The following SLC36A1 variants were observed in gnomAD, a reference collection of about 807,000 sequenced individuals.
The protein encoded by SLC36A1 is proton-coupled amino acid transporter 1.
SLC36A1 carries 30 observed loss-of-function variants against 47.5 expected under a neutral mutation model. That is an observed-to-expected ratio of 0.63 (90% CI 0.47 to 0.86). The LOEUF (loss-of-function observed/expected upper bound fraction) is 0.86, where lower values mean the gene tolerates loss of function less well. Ranked by LOEUF, SLC36A1 falls within the 40% of genes least tolerant of loss-of-function variation. The probability of loss-of-function intolerance (pLI) is 0.00; values close to 1 mark genes in which losing one functional copy is unlikely to be tolerated. For missense variants in SLC36A1, 517 were observed against 606.0 expected (o/e 0.85, Z 1.54); for synonymous variants, 255 against 249.7 (o/e 1.02, Z -0.20).
At chr5:151,509,214 C>G in the SLC36A1 span, among the ~76,000 whole-genome samples, 2 of 152,328 alleles carry the variant, frequency 1.3e-5, no homozygotes, top group East Asian at 3.9e-4. Flanking sequence ...TTTCAGACTG[C>G]AGCAAGGACC....
chr5:151,533,393 A>AAAACACACACACACACAC, the SLC36A1 span, among the ~76,000 whole-genome samples: 1 of 132,114 alleles, frequency 7.6e-6, no homozygotes, highest in Non-Finnish European at 1.6e-5. Flanking sequence ...TGTTATCTCC[A>AAAACACACACACACACAC]ACACACACAC....
the SLC36A1 span, chr5:151,347,323 T>C: frequency 6.2e-7 from 1 of 1,614,254 alleles, no homozygotes; most frequent in South Asian, 1.1e-5. Context: ...TCTTCAAGCC[T>C]GCTGACTCTG....
the SLC36A1 span, among the ~76,000 whole-genome samples, chr5:151,516,598 C>G: frequency 6.6e-6 from 1 of 151,962 alleles, no homozygotes; most frequent in Non-Finnish European, 1.5e-5. Flanking sequence ...ATACTTATCA[C>G]ATTTGAACAA....
the SLC36A1 span, among the ~76,000 whole-genome samples, chr5:151,430,162 C>CTTTT: frequency 7.7e-6 from 1 of 130,704 alleles, no homozygotes; most frequent in Non-Finnish European, 1.6e-5. Flanking sequence ...ATTAGCTAAA[C>CTTTT]TTTTTTTTTT....
At chr5:151,537,436 AGG>A in the SLC36A1 span, among the ~76,000 whole-genome samples, 98 of 83,906 alleles carry the variant, frequency 1.2e-3, no homozygotes, top group African/African-American at 6.6e-3. Flanking sequence ...AGGAGAGGAA[AGG>A]AGAGGGGAGG....
chr5:151,357,499 A>G, the SLC36A1 span, among the ~76,000 whole-genome samples: 4 of 152,252 alleles, frequency 2.6e-5, no homozygotes, highest in African/African-American at 9.6e-5. Context: ...TACTAATCTT[A>G]TCTGATTTAT....
At chr5:151,415,009 G>A in the SLC36A1 span, among the ~76,000 whole-genome samples, 29 of 152,180 alleles carry the variant, frequency 1.9e-4, no homozygotes, top group South Asian at 1.2e-3. Flanking sequence ...GAGCCTTTGC[G>A]TCAAGGTATG....
the SLC36A1 span, among the ~76,000 whole-genome samples, chr5:151,428,203 A>G: frequency 2.0e-5 from 3 of 151,998 alleles, no homozygotes; most frequent in South Asian, 2.1e-4. Context: ...TATTTCTGAT[A>G]TTTTTCTGCC....
upstream of SLC36A1, among the ~76,000 whole-genome samples, chr5:151,433,498 C>T (rs1561705487): frequency 6.7e-6 from 1 of 150,218 alleles, no homozygotes; most frequent in Non-Finnish European, 1.5e-5. Flanking sequence ...ACCATGTTGT[C>T]CAGGCTGGTC....
At chr5:151,477,761 C>T (rs1183360020) in intron 9 of SLC36A1, among the ~76,000 whole-genome samples, 2 of 152,166 alleles carry the variant, frequency 1.3e-5, no homozygotes, top group Non-Finnish European at 2.9e-5. Context: ...AATGTTTCTG[C>T]CCTTCCAAGA....
chr5:151,347,582 G>A, the SLC36A1 span: 1 of 1,305,714 alleles, frequency 7.7e-7, no homozygotes. Context: ...GGCTGGCTCT[G>A]GCCAAGCTGG....
At chr5:151,456,407 T>C (rs193012828) in intron 1 of SLC36A1, among the ~76,000 whole-genome samples, 6 of 152,376 alleles carry the variant, frequency 3.9e-5, no homozygotes, top group African/African-American at 7.2e-5. Context: ...TTTTGCACAT[T>C]TGAAAATGGT....
At chr5:151,502,872 C>A in the SLC36A1 span, among the ~76,000 whole-genome samples, 1 of 148,330 alleles carries the variant, frequency 6.7e-6, no homozygotes, top group African/African-American at 2.7e-5. Context: ...GGTAAATAAA[C>A]TGTAGTACAT....
the SLC36A1 span, chr5:151,537,997 T>C: frequency 6.4e-7 from 1 of 1,560,106 alleles, no homozygotes; most frequent in Non-Finnish European, 8.8e-7. Context: ...TGCATTCAGA[T>C]CCAGAGAGAA....
chr5:151,443,550 T>C (rs1174275024), upstream of SLC36A1, among the ~76,000 whole-genome samples: 2 of 152,222 alleles, frequency 1.3e-5, no homozygotes, highest in Non-Finnish European at 2.9e-5. Context: ...GAGTTTTTGA[T>C]ACATTTTGGA....
At chr5:151,453,509 A>G (rs899173617) in intron 1 of SLC36A1, among the ~76,000 whole-genome samples, 2 of 152,144 alleles carry the variant, frequency 1.3e-5, no homozygotes, top group African/African-American at 4.8e-5. Context: ...GTACAACTTC[A>G]GAATATGTTA....
chr5:151,371,637 A>C, the SLC36A1 span, among the ~76,000 whole-genome samples: 1 of 152,380 alleles, frequency 6.6e-6, no homozygotes, highest in South Asian at 2.1e-4. Flanking sequence ...AACTCCCACT[A>C]TCAACAGAAA....
intron 1 of SLC36A1, among the ~76,000 whole-genome samples, chr5:151,448,461 CTGTT>C (rs1753149992): frequency 1.3e-5 from 2 of 152,134 alleles, no homozygotes; most frequent in African/African-American, 2.4e-5. Flanking sequence ...GTGTGGTTCC[CTGTT>C]TGTTCATTAT....
the SLC36A1 span, among the ~76,000 whole-genome samples, chr5:151,529,807 T>C: frequency 1.3e-5 from 2 of 152,176 alleles, no homozygotes; most frequent in Non-Finnish European, 2.9e-5. Context: ...ATGACAGACC[T>C]CAGGGCATAA....
Sources: allele counts gnomAD v4.1 joint callset (sites outside exome capture counted in the v4.1 genomes callset), GRCh38; gene constraint gnomAD v4.1.1; transcripts MANE v1.5; gene names NCBI Gene and HGNC (gene_info 2026-07-23, HGNC 2026-07-21).